UVRAG: variants seen among roughly 807,000 people sequenced by gnomAD.
UVRAG encodes UV radiation resistance-associated gene protein.
Under a neutral mutation model 78.0 loss-of-function variants are expected in UVRAG, and 19 were observed. That is an observed-to-expected ratio of 0.24 (90% confidence interval 0.17 to 0.36). The LOEUF (loss-of-function observed/expected upper bound fraction) is 0.36. Among genes scored for constraint, UVRAG ranks in the 10% least tolerant of loss-of-function variants. UVRAG has a pLI of 1.00. For synonymous variants in UVRAG, 323 were observed against 324.6 expected (o/e 1.00, Z 0.05); for missense variants, 740 against 853.8 (o/e 0.87, Z 1.66).
chr11:76,060,853 C>G (rs903384229), intron 12 of UVRAG, among the ~76,000 whole-genome samples: 5 of 152,240 alleles, frequency 3.3e-5, no homozygotes, highest in Non-Finnish European at 7.3e-5. Context: ...CCCCCTCCTC[C>G]GTGGGGATCC....
At chr11:76,073,838 A>T (rs1422956638) in intron 13 of UVRAG, among the ~76,000 whole-genome samples, 1 of 152,188 alleles carries the variant, frequency 6.6e-6, no homozygotes, top group Non-Finnish European at 1.5e-5. Flanking sequence ...CTGAAAAAGC[A>T]CTTAAAATAC....
intron 13 of UVRAG, among the ~76,000 whole-genome samples, chr11:76,105,341 G>C (rs527474541): frequency 6.6e-6 from 1 of 152,150 alleles, no homozygotes; most frequent in East Asian, 1.9e-4. Flanking sequence ...GGAGGTCAAG[G>C]CTGCAGTGAG....
intron 7 of UVRAG, among the ~76,000 whole-genome samples, chr11:75,972,965 C>T (rs1949154054): frequency 6.6e-6 from 1 of 152,040 alleles, no homozygotes; most frequent in South Asian, 2.1e-4. Flanking sequence ...TATATGGAAA[C>T]AATAATATTA....
At chr11:75,894,282 A>G (rs754647928) in intron 5 of UVRAG, among the ~76,000 whole-genome samples, 1 of 152,174 alleles carries the variant, frequency 6.6e-6, no homozygotes, top group Non-Finnish European at 1.5e-5. Context: ...CAAAACTTCT[A>G]TAGCAATTTG....
chr11:76,099,297 G>T (rs1305128216), intron 13 of UVRAG, among the ~76,000 whole-genome samples: 1 of 152,020 alleles, frequency 6.6e-6, no homozygotes, highest in Non-Finnish European at 1.5e-5. Flanking sequence ...TCTTGTGTAG[G>T]GATCATAGGA....
At chr11:75,887,158 T>G (rs1947097048) in intron 4 of UVRAG, among the ~76,000 whole-genome samples, 1 of 151,650 alleles carries the variant, frequency 6.6e-6, no homozygotes, top group South Asian at 2.1e-4. Context: ...TTCTTTCTTT[T>G]TTTTTGAGAC....
At chr11:76,074,114 C>T (rs1054553231) in intron 13 of UVRAG, among the ~76,000 whole-genome samples, 2 of 152,158 alleles carry the variant, frequency 1.3e-5, no homozygotes, top group African/African-American at 4.8e-5. Flanking sequence ...AATTCACAAA[C>T]ATGCAAAAGT....
At chr11:76,138,166 A>G (rs560954406) in intron 14 of UVRAG, among the ~76,000 whole-genome samples, 6 of 152,334 alleles carry the variant, frequency 3.9e-5, no homozygotes, top group Admixed American at 2.0e-4. Context: ...ATTTAGCTTG[A>G]TGTGTACTAT....
At chr11:76,069,258 A>G (rs759300725) in intron 13 of UVRAG, among the ~76,000 whole-genome samples, 5 of 152,212 alleles carry the variant, frequency 3.3e-5, no homozygotes, top group Non-Finnish European at 7.3e-5. Flanking sequence ...AGCACTGGTA[A>G]GGCCTGCTTG....
chr11:75,959,008 T>G (rs956832749), intron 6 of UVRAG, among the ~76,000 whole-genome samples: 2 of 152,222 alleles, frequency 1.3e-5, no homozygotes, highest in African/African-American at 4.8e-5. Context: ...TCAAGAGTCC[T>G]AAAATATTCA....
chr11:76,075,643 TTTTAA>T (rs1044574406), intron 13 of UVRAG, among the ~76,000 whole-genome samples: 3 of 151,276 alleles, frequency 2.0e-5, no homozygotes, highest in Admixed American at 1.3e-4. Context: ...GTTCAGTGGC[TTTTAA>T]TATATTCACC....
At chr11:75,991,301 A>G (rs904076404) in intron 8 of UVRAG, among the ~76,000 whole-genome samples, 1 of 152,164 alleles carries the variant, frequency 6.6e-6, no homozygotes, top group Non-Finnish European at 1.5e-5. Context: ...CTGTACTTAC[A>G]TTGCCTGCTA....
At chr11:76,006,517 C>T (rs543065149) in intron 9 of UVRAG, among the ~76,000 whole-genome samples, 1 of 151,798 alleles carries the variant, frequency 6.6e-6, no homozygotes, top group South Asian at 2.1e-4. Flanking sequence ...AAAATTAGCT[C>T]AGCATGGTTG....
intron 6 of UVRAG, among the ~76,000 whole-genome samples, chr11:75,952,525 G>T (rs767419407): frequency 6.6e-6 from 1 of 151,272 alleles, no homozygotes; most frequent in Non-Finnish European, 1.5e-5. Flanking sequence ...AGATAATTAT[G>T]ATCTTTTTTC....
At chr11:75,936,313 T>A (rs1160695536) in intron 6 of UVRAG, among the ~76,000 whole-genome samples, 1 of 152,246 alleles carries the variant, frequency 6.6e-6, no homozygotes. Flanking sequence ...TCTCATTTTT[T>A]AATCAAATCT....
At chr11:75,992,911 A>G (rs955517030) in intron 8 of UVRAG, among the ~76,000 whole-genome samples, 1 of 152,160 alleles carries the variant, frequency 6.6e-6, no homozygotes, top group Non-Finnish European at 1.5e-5. Flanking sequence ...TTTGCTAGGG[A>G]GTAGTGAAAT....
intron 13 of UVRAG, among the ~76,000 whole-genome samples, chr11:76,110,314 T>G (rs1952048033): frequency 1.3e-5 from 2 of 152,034 alleles, no homozygotes; most frequent in South Asian, 4.1e-4. Context: ...ATACTTTATC[T>G]TATTTAAACT....
At chr11:76,114,105 G>A (rs1461666375) in intron 13 of UVRAG, among the ~76,000 whole-genome samples, 2 of 151,332 alleles carry the variant, frequency 1.3e-5, no homozygotes, top group African/African-American at 2.4e-5. Context: ...AATATTTTTC[G>A]GTATGAATCA....
intron 11 of UVRAG, 62 bp downstream of exon 11, chr11:76,008,929 A>T (rs1950000629): frequency 9.9e-7 from 1 of 1,006,412 alleles, no homozygotes; most frequent in South Asian, 1.8e-5. Flanking sequence ...GAATATCTTG[A>T]AATGCTGGTT....
Sources: gnomAD v4.1 joint callset for allele counts (sites outside exome capture counted in the v4.1 genomes callset) on GRCh38, gnomAD v4.1.1 for gene constraint, MANE v1.5 for transcripts, NCBI Gene and HGNC (gene_info 2026-07-23, HGNC 2026-07-21) for gene names.